The following KDM4B variants were observed in gnomAD, a reference collection of about 807,000 sequenced individuals.
The protein encoded by KDM4B is lysine demethylase 4B, also known as lysine-specific demethylase 4B.
KDM4B carries 32 observed loss-of-function variants against 125.2 expected under a neutral mutation model. The observed-to-expected ratio is 0.26, with a 90% CI of 0.19 to 0.34. The LOEUF (loss-of-function observed/expected upper bound fraction) is 0.34, where lower values mean the gene tolerates loss of function less well. Ranked by LOEUF, KDM4B falls within the 10% of genes least tolerant of loss-of-function variation. The pLI is 1.00. For synonymous variants in KDM4B, 721 were observed against 677.9 expected (o/e 1.06, Z -0.99); for missense variants, 1,190 against 1,577.7 (o/e 0.75, Z 4.16).
At chr19:4,996,204 G>C (rs529585264) in intron 1 of KDM4B, among the ~76,000 whole-genome samples, 20 of 152,266 alleles carry the variant, frequency 1.3e-4, no homozygotes, top group African/African-American at 4.8e-4. Flanking sequence ...TGGCCAGGCT[G>C]GTCTCAAACT....
At chr19:5,144,647 AC>A in intron 20 of KDM4B, 135 bp from the exon 21 acceptor site, 1 of 1,293,482 alleles carries the variant, frequency 7.7e-7, no homozygotes, top group Non-Finnish European at 1.1e-6. Context: ...CCGCCCCGCT[AC>A]CCCGGGCCCC....
At chr19:5,059,495 C>A (rs1377693598) in intron 6 of KDM4B, among the ~76,000 whole-genome samples, 1 of 152,244 alleles carries the variant, frequency 6.6e-6, no homozygotes, top group African/African-American at 2.4e-5. Flanking sequence ...AGAGCCCAGC[C>A]CGGGTCCCCG....
chr19:5,094,701 A>G (rs1049082634), intron 9 of KDM4B, among the ~76,000 whole-genome samples: 24 of 152,272 alleles, frequency 1.6e-4, no homozygotes, highest in African/African-American at 4.3e-4. Context: ...ACAGAGGGAC[A>G]TGGAGGAGCC....
intron 5 of KDM4B, among the ~76,000 whole-genome samples, chr19:5,042,384 C>T (rs372319071): frequency 8.5e-5 from 13 of 152,086 alleles, no homozygotes; most frequent in East Asian, 1.9e-4. Flanking sequence ...CCTGTAATCC[C>T]GGCTACTCGG....
At chr19:5,018,671 G>A (rs545550596) in intron 2 of KDM4B, among the ~76,000 whole-genome samples, 20 of 152,302 alleles carry the variant, frequency 1.3e-4, no homozygotes, top group African/African-American at 4.6e-4. Flanking sequence ...TCATTCCGGA[G>A]CATCTCATTG....
Position 4,969,160 on chromosome 19 carries a change from T to TG in KDM4B, c.-174dup, listed in dbSNP as rs2034150978. On this transcript the variant is annotated 5_prime_UTR_variant, in exon 1 of 23. Coordinates refer to ENST00000159111, the MANE Select transcript of KDM4B (RefSeq NM_015015.3). ...AGCGGGGCCCGGCCCGAGCGGGGCC[T>TG]GGGGGTGCGACGCCGAGGGCGGGGG... 6.7e-6 allele frequency: 1 copy of TG among 149,758 alleles called. No homozygotes were observed. Among genetic ancestry groups the TG allele is most frequent in the Admixed American group, 6.6e-5 (1 of 15,118 alleles). The allele number at this position is 149,758 out of a possible 1,614,324, so 9.3% of individuals were successfully genotyped here. A position where few individuals can be genotyped will look rare whatever the true frequency, so the allele number is the denominator to read the frequency against.
intron 2 of KDM4B, among the ~76,000 whole-genome samples, chr19:5,031,909 G>A (rs556270531): frequency 6.6e-6 from 1 of 152,320 alleles, no homozygotes; most frequent in South Asian, 2.1e-4. Flanking sequence ...TCACTTTGGG[G>A]GTCACAGCGT....
chr19:5,034,869 G>A (rs1200519787), intron 3 of KDM4B, among the ~76,000 whole-genome samples: 1 of 152,152 alleles, frequency 6.6e-6, no homozygotes, highest in Non-Finnish European at 1.5e-5. Context: ...CCCAGGCTGG[G>A]GTGCTGGGGT....
chr19:5,133,263 C>A (rs888653172), intron 13 of KDM4B, among the ~76,000 whole-genome samples: 2 of 152,296 alleles, frequency 1.3e-5, no homozygotes, highest in Admixed American at 6.5e-5. Context: ...CAGCAGCAGA[C>A]CTGCCTTCCG....
chr19:5,113,779 C>A, intron 10 of KDM4B: 1 of 606,656 alleles, frequency 1.6e-6, no homozygotes, highest in Non-Finnish European at 2.1e-6. Flanking sequence ...GAACCCCTGC[C>A]CTAGACCAAG....
intron 1 of KDM4B, among the ~76,000 whole-genome samples, chr19:5,015,440 C>T (rs1020278800): frequency 3.3e-5 from 5 of 152,210 alleles, no homozygotes; most frequent in South Asian, 2.1e-4. Context: ...GTAGTAGAGA[C>T]GGGGTTTCAC....
At chr19:5,001,827 T>C (rs2035396358) in intron 1 of KDM4B, among the ~76,000 whole-genome samples, 1 of 152,214 alleles carries the variant, frequency 6.6e-6, no homozygotes, top group African/African-American at 2.4e-5. Context: ...TGAGTGGTGA[T>C]GAACATCTTG....
intron 1 of KDM4B, among the ~76,000 whole-genome samples, chr19:4,986,747 A>G (rs1394589191): frequency 1.3e-5 from 2 of 152,196 alleles, no homozygotes; most frequent in Non-Finnish European, 2.9e-5. Flanking sequence ...CCTTTGCAGG[A>G]TTTGGGACAA....
In KDM4B at chr19:4,988,689, CAT is replaced by C. The variant is rs368691131; in HGVS notation, c.-109+19460_-109+19461del. Among the ~76,000 whole-genome samples, 143 of 152,298 alleles carry C rather than the reference CAT, an allele frequency of 9.4e-4. 1 individual carries two copies. The highest frequency in any genetic ancestry group is 2.1e-3 in the Admixed American group (32 of 15,300). ...ATTTTACAAAGGAGGCAGATGAAGA[CAT>C]GTGTAGGGTGAGGGATGTGGGAAGG... On this transcript the variant is annotated intron_variant, in intron 1 of 22. Coordinates refer to ENST00000159111, the MANE Select transcript of KDM4B (RefSeq NM_015015.3).
rs2038342607 is a variant in KDM4B at position 5,082,781 on chromosome 19, TG to T, written c.918+280del. On this transcript the variant is annotated intron_variant, in intron 9 of 22. Transcript: ENST00000159111. The surrounding 1 kb of genome is among the most constrained non-coding windows in gnomAD (Gnocchi z 5.4). ...TACACCAGTTATCCCTCGGCCTGCG[TG>T]GGCCTCCTGGGCATGGCCGGCTGCT... Among the ~76,000 whole-genome samples the T allele has an allele frequency of 6.6e-6, 1 of 152,220 alleles. No individual in the cohort carries two copies. The highest frequency in any genetic ancestry group is 1.5e-5 in the Non-Finnish European group (1 of 68,024).
chr19:5,088,969 G>C lies in KDM4B; in HGVS notation c.918+6465G>C, dbSNP rs115287547. Among the ~76,000 whole-genome samples the C allele has an allele frequency of 9.3e-3, 1,422 of 152,294 alleles. 30 individuals carry two copies. The highest frequency in any genetic ancestry group is 0.032 in the African/African-American group (1,338 of 41,548). On this transcript the variant is annotated intron_variant, in intron 9 of 22. Transcript: ENST00000159111. ...AGAAGCCAGACCCAGAGGCTACACCGTGCGAGACCCCATTTCTATGAAATG... is the reference window on the plus strand; with the variant it reads ...AGAAGCCAGACCCAGAGGCTACACCCTGCGAGACCCCATTTCTATGAAATG...
intron 1 of KDM4B, among the ~76,000 whole-genome samples, chr19:4,981,573 G>A (rs8102731): frequency 6.6e-6 from 1 of 152,116 alleles, no homozygotes. Flanking sequence ...CCACCTGGAC[G>A]TCCCCCCAGG....
rs115576185 is a variant in KDM4B at position 5,040,067 on chromosome 19, A to G, written c.317+56A>G. ...CCCGCCCCCGGGGGCACACCTGCTCATGGGGGCCCTGGGGGCAGAGAAGGT... is the reference window on the plus strand; with the variant it reads ...CCCGCCCCCGGGGGCACACCTGCTCGTGGGGGCCCTGGGGGCAGAGAAGGT... On this transcript the variant is annotated intron_variant, in intron 4 of 22. Transcript: ENST00000159111. The G allele has an allele frequency of 1.9e-3, 2,889 of 1,526,146 alleles. 55 individuals carry two copies. In the African/African-American group the frequency reaches 0.034, roughly 18 times the overall value. 94.5% of individuals were successfully genotyped at this position (1,526,146 alleles called of 1,614,324 possible).
At chr19:4,982,433 CA>C (rs2034674117) in intron 1 of KDM4B, among the ~76,000 whole-genome samples, 1 of 90,282 alleles carries the variant, frequency 1.1e-5, no homozygotes. Context: ...GCCTGGGTGA[CA>C]AGAGCAAGAC....
Sources: allele counts gnomAD v4.1 joint callset (sites outside exome capture counted in the v4.1 genomes callset), GRCh38; gene constraint gnomAD v4.1.1; non-coding constraint Gnocchi (gnomAD v3.1); transcripts MANE v1.5; gene names NCBI Gene and HGNC (gene_info 2026-07-23, HGNC 2026-07-21).